The following ADAMTSL1 variants were observed in gnomAD, a reference collection of about 807,000 sequenced individuals.
ADAMTSL1 encodes the protein ADAMTS like 1.
ADAMTSL1 carries 126 observed loss-of-function variants against 201.8 expected under a neutral mutation model. The observed-to-expected ratio is 0.62, with a 90% CI of 0.54 to 0.72. The LOEUF (loss-of-function observed/expected upper bound fraction) is 0.72. ADAMTSL1 is among the 30% of genes least tolerant of loss of function. The pLI is 0.00. For synonymous variants in ADAMTSL1, 1,121 were observed against 903.4 expected (o/e 1.24, Z -4.32); for missense variants, 2,679 against 2,277.8 (o/e 1.18, Z -3.59).
chr9:18,097,489 C>T (rs1376977974), intron 1 of ADAMTSL1, among the ~76,000 whole-genome samples: 1 of 152,176 alleles, frequency 6.6e-6, no homozygotes. Context: ...TAAGAAACTT[C>T]CAGTGTATTC....
chr9:18,663,444 T>G (rs1351334499), intron 9 of ADAMTSL1, among the ~76,000 whole-genome samples: 1 of 152,174 alleles, frequency 6.6e-6, no homozygotes, highest in African/African-American at 2.4e-5. Context: ...ATTTCTTTAT[T>G]TTGGAAATCT....
At chr9:18,318,026 C>G (rs1169459929) in intron 2 of ADAMTSL1, among the ~76,000 whole-genome samples, 2 of 152,026 alleles carry the variant, frequency 1.3e-5, no homozygotes, top group African/African-American at 4.8e-5. Context: ...TAATTTTAAT[C>G]TTGCTGAGCC....
chr9:17,917,462 T>C (rs1422414709), intron 1 of ADAMTSL1, among the ~76,000 whole-genome samples: 3 of 152,034 alleles, frequency 2.0e-5, no homozygotes, highest in Non-Finnish European at 4.4e-5. Context: ...TATCACAAGA[T>C]TTTTCCTTTT....
At chr9:18,332,919 T>A (rs763286029) in intron 2 of ADAMTSL1, among the ~76,000 whole-genome samples, 2 of 152,158 alleles carry the variant, frequency 1.3e-5, no homozygotes, top group African/African-American at 4.8e-5. Flanking sequence ...TTAACGAGCA[T>A]CTGAGTCTGT....
At chr9:18,187,613 G>T (rs1275118566) in intron 2 of ADAMTSL1, among the ~76,000 whole-genome samples, 2 of 151,982 alleles carry the variant, frequency 1.3e-5, no homozygotes, top group Admixed American at 1.3e-4. Flanking sequence ...ATTTATTTGG[G>T]TACACAAGAA....
At chr9:18,464,854 G>GT (rs957191836) in intron 2 of ADAMTSL1, among the ~76,000 whole-genome samples, 5 of 152,170 alleles carry the variant, frequency 3.3e-5, no homozygotes, top group Non-Finnish European at 5.9e-5. Flanking sequence ...GGTGAGATTT[G>GT]TTTAAAACTA....
At chr9:18,287,855 C>A in intron 2 of ADAMTSL1, among the ~76,000 whole-genome samples, 1 of 152,148 alleles carries the variant, frequency 6.6e-6, no homozygotes, top group Non-Finnish European at 1.5e-5. Flanking sequence ...TACTGTCAAA[C>A]TATTCATTGC....
intron 7 of ADAMTSL1, among the ~76,000 whole-genome samples, chr9:18,653,252 C>T (rs963618688): frequency 1.6e-4 from 25 of 152,180 alleles, no homozygotes; most frequent in African/African-American, 5.5e-4. Context: ...TCCCCACCAC[C>T]ACAATATTAA....
At chr9:18,313,146 C>T (rs992262023) in intron 2 of ADAMTSL1, among the ~76,000 whole-genome samples, 1 of 152,202 alleles carries the variant, frequency 6.6e-6, no homozygotes, top group Non-Finnish European at 1.5e-5. Flanking sequence ...ACTCCTGATT[C>T]AGTAGGTATG....
At chr9:17,958,648 C>A (rs372986447) in intron 1 of ADAMTSL1, among the ~76,000 whole-genome samples, 5 of 152,172 alleles carry the variant, frequency 3.3e-5, no homozygotes, top group African/African-American at 1.2e-4. Context: ...ATGACACATA[C>A]CAGGGAAGTT....
chr9:18,154,067 A>C (rs926328863), intron 1 of ADAMTSL1, among the ~76,000 whole-genome samples: 4 of 152,032 alleles, frequency 2.6e-5, no homozygotes, highest in Admixed American at 1.3e-4. Flanking sequence ...GAAGATCAGC[A>C]CCTATCATGA....
intron 1 of ADAMTSL1, among the ~76,000 whole-genome samples, chr9:18,014,873 C>T (rs958660443): frequency 6.6e-6 from 1 of 151,980 alleles, no homozygotes; most frequent in Non-Finnish European, 1.5e-5. Flanking sequence ...AAATCACTTA[C>T]TCTGTGGGGG....
intron 2 of ADAMTSL1, among the ~76,000 whole-genome samples, chr9:18,395,313 T>A (rs1817708771): frequency 6.6e-6 from 1 of 152,228 alleles, no homozygotes. Flanking sequence ...TCCTGCTTTT[T>A]TCCACCAGAG....
intron 1 of ADAMTSL1, among the ~76,000 whole-genome samples, chr9:18,155,632 A>T (rs1403106291): frequency 1.3e-5 from 2 of 152,062 alleles, no homozygotes; most frequent in Non-Finnish European, 2.9e-5. Context: ...TTCTTCTTCC[A>T]TGTGGCCTAG....
chr9:18,839,338 G>C (rs201935895), intron 23 of ADAMTSL1, among the ~76,000 whole-genome samples: 5 of 152,058 alleles, frequency 3.3e-5, no homozygotes, highest in Admixed American at 2.0e-4. Context: ...CCAATTTCAT[G>C]CATGTCCCTA....
At chr9:18,604,173 C>T (rs1338954611) in intron 4 of ADAMTSL1, among the ~76,000 whole-genome samples, 2 of 152,260 alleles carry the variant, frequency 1.3e-5, no homozygotes, top group East Asian at 1.9e-4. Context: ...AATTTGCTTA[C>T]AAAAGGTTTA....
At position 18,887,969 on chromosome 9, in the gene ADAMTSL1, C is replaced by G. The variant is rs766397590; in HGVS notation, c.4388C>G (p.Ser1463Cys). ...CAAGTTGCAAACCTTAGCGGTGGGT[C>G]TCAAGGGGAATTCAGCTGCCTTGCT... ...ILQVANLSGG[S>C]QGEFSCLAQN... The change falls in exon 24 of 29, where the codon TCT becomes TGT. Residue 1463 changes from serine to cysteine, a missense_variant. Physicochemically the swap from Ser to Cys is moderately radical, Grantham distance 112. Coordinates refer to ENST00000380548, the MANE Select transcript of ADAMTSL1 (RefSeq NM_001040272.6). The G allele has an allele frequency of 1.2e-6, 2 of 1,613,972 alleles. No individual in the cohort carries two copies. Among genetic ancestry groups the G allele is most frequent in the Admixed American group, 1.7e-5 (1 of 60,026 alleles).
At chr9:18,392,045 C>T (rs972256706) in intron 2 of ADAMTSL1, among the ~76,000 whole-genome samples, 10 of 151,770 alleles carry the variant, frequency 6.6e-5, no homozygotes, top group African/African-American at 2.4e-4. Context: ...AGGATGGTCT[C>T]GATCTCCTGA....
intron 2 of ADAMTSL1, among the ~76,000 whole-genome samples, chr9:18,365,679 G>A (rs1464709620): frequency 6.6e-6 from 1 of 152,144 alleles, no homozygotes; most frequent in Admixed American, 6.5e-5. Flanking sequence ...GTGGAAAAGG[G>A]AAAAGAGTGT....
Sources: gnomAD v4.1 joint callset for allele counts (sites outside exome capture counted in the v4.1 genomes callset) on GRCh38, gnomAD v4.1.1 for gene constraint, MANE v1.5 for transcripts, NCBI Gene and HGNC (gene_info 2026-07-23, HGNC 2026-07-21) for gene names.